Variants in TNFSF18 observed in about 807,000 individuals in gnomAD.
TNFSF18 encodes tumor necrosis factor ligand superfamily member 18.
Under a neutral mutation model 9.6 loss-of-function variants are expected in TNFSF18, and 6 were observed. The observed-to-expected ratio is 0.63, with a 90% CI of 0.34 to 1.24. TNFSF18 has a LOEUF of 1.24. TNFSF18 is among the 50% of genes most tolerant of loss of function. The pLI is 0.03. For missense variants in TNFSF18, 210 were observed against 201.0 expected, an observed-to-expected ratio of 1.04 and a Z score of -0.27; for synonymous variants, 68 against 71.7, an observed-to-expected ratio of 0.95 and a Z score of 0.26.
At position 173,041,499 on chromosome 1, in the gene TNFSF18, T is replaced by G; in HGVS notation, c.402A>C (p.Gln134His). ...IQTLTNKSKIQNVGGTYELHV... is the reference protein window; with the variant it reads ...IQTLTNKSKIHNVGGTYELHV... The stretch of plus-strand genomic sequence containing the variant: ...GCAATTCATAAGTCCCTCCTACATT[T>G]TGGATTTTAGATTTGTTTGTTAGAG... Residue 134 changes from glutamine to histidine, a missense_variant, in exon 3 of 3, where the codon CAA (glutamine) becomes CAC (histidine). Physicochemically the swap from Gln to His is conservative, Grantham distance 24. Transcript: ENST00000404377. The G allele has an allele frequency of 1.2e-6, 2 of 1,613,580 alleles. No homozygotes were observed. The highest frequency in any genetic ancestry group is 1.7e-6 in the Non-Finnish European group (2 of 1,179,628).
intron 2 of TNFSF18, 69 bp downstream of exon 2, chr1:173,043,870 A>T: frequency 7.5e-7 from 1 of 1,325,968 alleles, no homozygotes. Flanking sequence ...TTTTCTTGAG[A>T]TCACTGACAC....
chr1:173,047,467 A>G (rs914719631), intron 1 of TNFSF18, among the ~76,000 whole-genome samples: 24 of 152,188 alleles, frequency 1.6e-4, no homozygotes, highest in Non-Finnish European at 2.8e-4. Context: ...GAAGAATTGA[A>G]CTACAATTTA....
chr1:173,040,551 G>A lies in TNFSF18; in HGVS notation c.*816C>T, dbSNP rs1188985238. 1.3e-5 allele frequency: 2 copies of A among 152,050 alleles called. No homozygotes were observed. Among genetic ancestry groups the A allele is most frequent in the African/African-American group, 4.8e-5 (2 of 41,416 alleles). The allele number at this position is 152,050 out of a possible 1,614,324, so 9.4% of individuals were successfully genotyped here. Reference sequence around the variant, plus strand: ...TTTACGAAAGCACTTTGCAAACTGTGGAAAGCTAGCTAAAAATACTAAATC... The same window carrying A: ...TTTACGAAAGCACTTTGCAAACTGTAGAAAGCTAGCTAAAAATACTAAATC... On this transcript the variant is annotated 3_prime_UTR_variant, in exon 3 of 3. Transcript: ENST00000404377.
At chr1:173,046,514 CAT>C (rs1173212585) in intron 1 of TNFSF18, among the ~76,000 whole-genome samples, 1 of 152,138 alleles carries the variant, frequency 6.6e-6, no homozygotes, top group Non-Finnish European at 1.5e-5. Context: ...TGCTGTATCA[CAT>C]AGTGTTAAGC....
intron 1 of TNFSF18, among the ~76,000 whole-genome samples, chr1:173,048,713 T>C (rs1449654883): frequency 6.6e-6 from 1 of 152,192 alleles, no homozygotes; most frequent in East Asian, 1.9e-4. Context: ...AAGTAGTGTC[T>C]AGACAATCTG....
intron 2 of TNFSF18, among the ~76,000 whole-genome samples, chr1:173,042,726 C>G (rs1022489618): frequency 2.6e-5 from 4 of 152,004 alleles, no homozygotes; most frequent in African/African-American, 9.7e-5. Flanking sequence ...CCGGGAGGTG[C>G]TTTTACCACC....
At chr1:173,042,297 A>G (rs1665006901) in intron 2 of TNFSF18, among the ~76,000 whole-genome samples, 1 of 152,068 alleles carries the variant, frequency 6.6e-6, no homozygotes, top group Non-Finnish European at 1.5e-5. Flanking sequence ...TTTGAATGTA[A>G]AATTTTTTAG....
chr1:173,041,824 G>T, intron 2 of TNFSF18, 111 bp from the exon 3 acceptor site: 1 of 988,966 alleles, frequency 1.0e-6, no homozygotes, highest in South Asian at 1.7e-5. Context: ...TTCTTTACCT[G>T]ATCTACACTA....
chr1:173,042,182 T>C (rs1665005456), intron 2 of TNFSF18, among the ~76,000 whole-genome samples: 1 of 152,206 alleles, frequency 6.6e-6, no homozygotes, highest in Admixed American at 6.5e-5. Flanking sequence ...TGTTCTCCTA[T>C]CATTCCCTCA....
chr1:173,047,825 C>A (rs149316257), intron 1 of TNFSF18, among the ~76,000 whole-genome samples: 1 of 152,092 alleles, frequency 6.6e-6, no homozygotes. Flanking sequence ...ATTATTGCCA[C>A]CACTAAAAAT....
intron 1 of TNFSF18, among the ~76,000 whole-genome samples, chr1:173,049,614 C>T (rs1002194687): frequency 6.6e-6 from 1 of 152,150 alleles, no homozygotes; most frequent in African/African-American, 2.4e-5. Flanking sequence ...ACTGCTTCCT[C>T]CTGCATCTTT....
chr1:173,047,585 A>G (rs2101928179), intron 1 of TNFSF18, among the ~76,000 whole-genome samples: 1 of 152,342 alleles, frequency 6.6e-6, no homozygotes, highest in East Asian at 1.9e-4. Flanking sequence ...AGACATGATT[A>G]CACACCCAAA....
chr1:173,039,857 A>T lies in TNFSF18; in HGVS notation c.*1510T>A, dbSNP rs1022556474. On this transcript the variant is annotated 3_prime_UTR_variant, in exon 3 of 3. Transcript: ENST00000404377. ...CTTTGGCCCTGTAGCTACTCAGCAG[A>T]TGTTTTTTTAAAAAGTCATACTAAG... 7.2e-5 allele frequency: 11 copies of T among 152,112 alleles called. No individual in the cohort carries two copies. The highest frequency in any genetic ancestry group is 2.7e-4 in the African/African-American group (11 of 41,492). 9.4% of individuals were successfully genotyped at this position (152,112 alleles called of 1,614,324 possible).
rs541691118 is a variant in TNFSF18, at chr1:173,044,257, C to A, written c.157-288G>T. Among the ~76,000 whole-genome samples, 21 of 145,826 alleles carry A rather than the reference C, an allele frequency of 1.4e-4. No individual in the cohort carries two copies. In the East Asian group the frequency reaches 4.0e-3, roughly 28 times the overall value. ...ACAGGACAACTATTTGATATCGGAC[C>A]CCCCCCCCAACCTTGGGCTCTAAAA... On this transcript the variant is annotated intron_variant, in intron 1 of 2. Coordinates refer to ENST00000404377, the MANE Select transcript of TNFSF18 (RefSeq NM_005092.4).
intron 1 of TNFSF18, among the ~76,000 whole-genome samples, chr1:173,045,416 G>A (rs1382633625): frequency 8.5e-5 from 13 of 152,228 alleles, no homozygotes; most frequent in Non-Finnish European, 2.9e-5. Flanking sequence ...GATAGATCAA[G>A]TAAGAAGAGT....
intron 1 of TNFSF18, among the ~76,000 whole-genome samples, chr1:173,048,859 GA>G (rs1665122812): frequency 3.3e-5 from 5 of 152,158 alleles, no homozygotes; most frequent in African/African-American, 1.2e-4. Flanking sequence ...TTCTTTTCCA[GA>G]GATATTTATT....
In TNFSF18 at chr1:173,050,780, G is replaced by GCA; in HGVS notation, c.115_116dup (p.Ser40AlafsTer6). The stretch of plus-strand genomic sequence containing the variant: ...AAATAAAGATTAGCCAACTGAAGGA[G>GCA]CAAAGAAATAGCAACATAACTATTG... On this transcript the variant is annotated frameshift_variant, in exon 1 of 3. Transcript: ENST00000404377. LOFTEE classifies it high-confidence loss of function. 6.2e-7 allele frequency: 1 copy of GCA among 1,612,154 alleles called. No individual in the cohort carries two copies. The highest frequency in any genetic ancestry group is 8.5e-7 in the Non-Finnish European group (1 of 1,179,056).
chr1:173,041,815 T>A (rs1004912837), intron 2 of TNFSF18, 102 bp from the exon 3 acceptor site: 3 of 1,028,476 alleles, frequency 2.9e-6, no homozygotes, highest in Non-Finnish European at 4.1e-6. Context: ...ACATGTTGTT[T>A]CTTTACCTGA....
intron 1 of TNFSF18, among the ~76,000 whole-genome samples, chr1:173,044,398 A>G (rs1215542005): frequency 6.6e-6 from 1 of 152,188 alleles, no homozygotes; most frequent in Non-Finnish European, 1.5e-5. Context: ...AAAACAGTAA[A>G]TTAAGCCCTA....
Sources: allele counts gnomAD v4.1 joint callset (sites outside exome capture counted in the v4.1 genomes callset), GRCh38; gene constraint gnomAD v4.1.1; transcripts MANE v1.5; gene names NCBI Gene and HGNC (gene_info 2026-07-23, HGNC 2026-07-21).